Variants in CDH23 observed in about 807,000 individuals in gnomAD.
The protein encoded by CDH23 is cadherin related 23.
CDH23 carries 189 observed loss-of-function variants against 317.1 expected under a neutral mutation model. The ratio of observed to expected loss-of-function variants is 0.60; its 90% confidence interval spans 0.53 to 0.67. The LOEUF (loss-of-function observed/expected upper bound fraction) is 0.67. CDH23 is among the 30% of genes least tolerant of loss of function. CDH23 has a pLI of 0.00. For missense variants in CDH23, 4,401 were observed against 4,592.4 expected (o/e 0.96, Z 1.20); for synonymous variants, 1,839 against 1,876.8 (o/e 0.98, Z 0.52).
intron 10 of CDH23, among the ~76,000 whole-genome samples, chr10:71,616,251 T>C (rs1861184682): frequency 6.6e-6 from 1 of 152,162 alleles, no homozygotes; most frequent in Non-Finnish European, 1.5e-5. Flanking sequence ...CCATCAGCCG[T>C]TGATTGAGAG....
intron 6 of CDH23, among the ~76,000 whole-genome samples, chr10:71,561,641 GAT>G (rs1857136785): frequency 6.6e-6 from 1 of 152,200 alleles, no homozygotes; most frequent in South Asian, 2.1e-4. Flanking sequence ...CATCAGAAGT[GAT>G]ATGGAGCTTA....
At chr10:71,530,814 T>G (rs980046775) in intron 6 of CDH23, among the ~76,000 whole-genome samples, 4 of 152,214 alleles carry the variant, frequency 2.6e-5, no homozygotes, top group African/African-American at 9.6e-5. Context: ...TGCTCAGCAC[T>G]TTCTAGGCAT....
At chr10:71,717,242 G>A (rs1320474527) in intron 28 of CDH23, 1 of 152,262 alleles carries the variant, frequency 6.6e-6, no homozygotes, top group Non-Finnish European at 1.5e-5. Flanking sequence ...GTCACAGTAG[G>A]GTGGGGTGGG....
chr10:71,782,796 T>C (rs1363110176), intron 41 of CDH23, among the ~76,000 whole-genome samples: 1 of 152,222 alleles, frequency 6.6e-6, no homozygotes, highest in Non-Finnish European at 1.5e-5. Flanking sequence ...GGTGTCATGC[T>C]CAGGAAATCC....
chr10:71,657,630 C>T (rs1348795034), intron 14 of CDH23, among the ~76,000 whole-genome samples: 1 of 152,180 alleles, frequency 6.6e-6, no homozygotes, highest in Non-Finnish European at 1.5e-5. Context: ...ACAGCCCTTG[C>T]GCCTCTGCCC....
chr10:71,464,107 A>ATGGGAG (rs1851136901), intron 3 of CDH23, among the ~76,000 whole-genome samples: 1 of 152,208 alleles, frequency 6.6e-6, no homozygotes, highest in African/African-American at 2.4e-5. Context: ...CAGCTAGTGA[A>ATGGGAG]TGGGAGTGGG....
intron 41 of CDH23, among the ~76,000 whole-genome samples, chr10:71,783,475 C>T (rs551621826): frequency 6.6e-6 from 1 of 152,310 alleles, no homozygotes; most frequent in South Asian, 2.1e-4. Context: ...AGTGGTAACC[C>T]TCCCCTGGGC....
intron 28 of CDH23, chr10:71,715,906 G>A: frequency 1.4e-6 from 2 of 1,444,938 alleles, no homozygotes; most frequent in Non-Finnish European, 9.1e-7. Flanking sequence ...AGACCTAGGG[G>A]GATGTGGGGG....
At chr10:71,646,724 AC>A (rs1315642339) in intron 14 of CDH23, 107 bp downstream of exon 14, 1 of 1,610,940 alleles carries the variant, frequency 6.2e-7, no homozygotes, top group East Asian at 2.2e-5. Context: ...GGAAGGAGGC[AC>A]CCCCAAATCC....
At chr10:71,584,785 T>C (rs1398527193) in intron 9 of CDH23, among the ~76,000 whole-genome samples, 4 of 152,152 alleles carry the variant, frequency 2.6e-5, no homozygotes, top group Non-Finnish European at 5.9e-5. Context: ...CAGAATTGCT[T>C]TGGAACTCTG....
chr10:71,680,265 G>A (rs1211578976), intron 17 of CDH23, among the ~76,000 whole-genome samples: 3 of 152,244 alleles, frequency 2.0e-5, no homozygotes, highest in Non-Finnish European at 4.4e-5. Context: ...GCTGTCCAGT[G>A]TGTAGCCCCT....
At chr10:71,433,547 C>T (rs1050130623) in intron 1 of CDH23, among the ~76,000 whole-genome samples, 1 of 152,204 alleles carries the variant, frequency 6.6e-6, no homozygotes. Context: ...CTTCTGCTTC[C>T]AGCCCATCCT....
intron 60 of CDH23, among the ~76,000 whole-genome samples, chr10:71,808,689 T>C (rs1218668741): frequency 6.6e-6 from 1 of 152,096 alleles, no homozygotes; most frequent in Non-Finnish European, 1.5e-5. Flanking sequence ...AGGCTCCTCC[T>C]CTGTATGCCT....
chr10:71,520,340 G>C (rs1266439775), intron 6 of CDH23, among the ~76,000 whole-genome samples: 1 of 152,184 alleles, frequency 6.6e-6, no homozygotes, highest in Non-Finnish European at 1.5e-5. Context: ...CTGGTAATAG[G>C]CCTAGACTTC....
chr10:71,427,723 T>C (rs1015642819), intron 1 of CDH23, among the ~76,000 whole-genome samples: 2 of 151,544 alleles, frequency 1.3e-5, no homozygotes, highest in East Asian at 3.9e-4. Context: ...CTTTTTTTTT[T>C]TTTTTTTTAG....
intron 14 of CDH23, among the ~76,000 whole-genome samples, chr10:71,655,648 G>T (rs1279283802): frequency 1.3e-5 from 2 of 151,986 alleles, no homozygotes; most frequent in African/African-American, 4.8e-5. Context: ...CCCCAAGCAG[G>T]TTCTCTCTGT....
In CDH23 at chr10:71,677,548, G is replaced by A. The variant is rs376414013; in HGVS notation, c.1607G>A (p.Arg536Gln). Reference protein sequence around the residue: ...IQRFTLTIIARDGGGEETTGR... With the variant: ...IQRFTLTIIAQDGGGEETTGR... ...CGCTTCACCCTGACGATCATTGCCC[G>A]GGACGGGGGCGGCGAGGAGACCACA... The change falls in exon 16 of 70, where the codon CGG becomes CAG. Residue 536 changes from arginine (R) to glutamine (Q), a missense_variant. Arg to Gln is a conservative substitution (Grantham distance 43, BLOSUM62 1). This residue lies in a region of CDH23 where 3,068 missense variants were observed against 3,203.3 expected (regional missense o/e 0.96). Coordinates refer to ENST00000224721, the MANE Select transcript of CDH23 (RefSeq NM_022124.6). 67 of 1,611,868 alleles carry A rather than the reference G, an allele frequency of 4.2e-5. No homozygotes were observed. The highest frequency in any genetic ancestry group is 5.2e-5 in the Non-Finnish European group (61 of 1,179,262).
At chr10:71,699,283 T>C (rs1339990355) in intron 22 of CDH23, among the ~76,000 whole-genome samples, 4 of 152,252 alleles carry the variant, frequency 2.6e-5, no homozygotes, top group Non-Finnish European at 4.4e-5. Flanking sequence ...GGTGGCTGGG[T>C]CTTCCTTGTC....
rs1229327150 is a variant in CDH23, at chr10:71,806,348, T to C, written c.8178+67T>C. 8 of 1,073,710 alleles carry C rather than the reference T, an allele frequency of 7.5e-6. No individual in the cohort carries two copies. The East Asian group carries it at 2.1e-4, about 28-fold the overall frequency. The allele number at this position is 1,073,710 out of a possible 1,614,324, so 66.5% of individuals were successfully genotyped here. A position where few individuals can be genotyped will look rare whatever the true frequency, so the allele number is the denominator to read the frequency against. On this transcript the variant is annotated intron_variant, in intron 57 of 69. Coordinates refer to ENST00000224721, the MANE Select transcript of CDH23 (RefSeq NM_022124.6). ...GACTCACCTGCCTGCAAGCACACAC[T>C]CTCCTATATACACTGTGCCAGAATA...
Sources: allele counts gnomAD v4.1 joint callset (sites outside exome capture counted in the v4.1 genomes callset), GRCh38; gene constraint gnomAD v4.1.1; regional missense constraint gnomAD v4.1.1; transcripts MANE v1.5; gene names NCBI Gene and HGNC (gene_info 2026-07-23, HGNC 2026-07-21).